Variants in LIG1 observed in about 807,000 individuals in gnomAD.
LIG1 encodes ligase I, DNA, ATP-dependent.
Under a neutral mutation model 115.7 loss-of-function variants are expected in LIG1, and 70 were observed. That is an observed-to-expected ratio of 0.60 (90% CI 0.50 to 0.74). The LOEUF (loss-of-function observed/expected upper bound fraction) is 0.74, where lower values mean the gene tolerates loss of function less well. Among genes scored for constraint, LIG1 ranks in the 30% least tolerant of loss-of-function variants. The pLI, the probability that LIG1 is intolerant of heterozygous loss-of-function variation, is 0.00. For missense variants in LIG1, 1,115 were observed against 1,225.6 expected (o/e 0.91, Z 1.35); for synonymous variants, 487 against 495.3 (o/e 0.98, Z 0.22).
At chr19:48,163,944 CAAAAAAAAAAAA>C (rs36027045) in intron 2 of LIG1, among the ~76,000 whole-genome samples, 1 of 83,162 alleles carries the variant, frequency 1.2e-5, no homozygotes, top group South Asian at 4.2e-4. Flanking sequence ...GACTCTGTCT[CAAAAAAAAAAAA>C]AAAAAAAATG....
intron 11 of LIG1, among the ~76,000 whole-genome samples, chr19:48,142,042 C>T (rs1284106862): frequency 6.6e-6 from 1 of 152,170 alleles, no homozygotes; most frequent in Non-Finnish European, 1.5e-5. Flanking sequence ...TGGCTCAGGC[C>T]TGTAATCCCA....
intron 26 of LIG1, 146 bp downstream of exon 26, chr19:48,117,492 A>G (rs2032933452): frequency 1.1e-6 from 1 of 927,250 alleles, no homozygotes; most frequent in Admixed American, 2.5e-5. Flanking sequence ...TGATCTTTTT[A>G]TCTGACACTC....
chr19:48,129,610 A>G (rs554055625), intron 19 of LIG1, among the ~76,000 whole-genome samples: 5 of 152,196 alleles, frequency 3.3e-5, no homozygotes, highest in Non-Finnish European at 7.3e-5. Context: ...GACTAGTGCC[A>G]TATTATACCA....
Position 48,157,696 on chromosome 19 carries a change from C to T in LIG1, c.244-556G>A, listed in dbSNP as rs141536205. On this transcript the variant is annotated intron_variant, in intron 4 of 27. Coordinates refer to ENST00000263274, the MANE Select transcript of LIG1 (RefSeq NM_000234.3). ...AGCAACTGGGATAACAGGCGCCCGC[C>T]ACCACGCCCAGCTAATTTTTGTATT... 2.0e-5 allele frequency among the ~76,000 whole-genome samples: 3 copies of T among 152,262 alleles called. No homozygotes were observed. In the East Asian group the frequency reaches 5.8e-4, roughly 29 times the overall value.
At chr19:48,148,307 C>G (rs1280257364) in intron 9 of LIG1, among the ~76,000 whole-genome samples, 1 of 152,022 alleles carries the variant, frequency 6.6e-6, no homozygotes, top group African/African-American at 2.4e-5. Context: ...AACCCGGTCT[C>G]TACTAAAAAT....
At chr19:48,130,316 C>A (rs1023610487) in intron 19 of LIG1, among the ~76,000 whole-genome samples, 1 of 152,228 alleles carries the variant, frequency 6.6e-6, no homozygotes, top group Non-Finnish European at 1.5e-5. Context: ...GGCACCGTGC[C>A]CCCTGCTTTC....
Position 48,170,246 on chromosome 19 carries a change from G to A in LIG1, c.-63C>T, listed in dbSNP as rs1186216612. The stretch of plus-strand genomic sequence containing the variant: ...TTGCGGACGGCCCCACTTGCCTTGC[G>A]TTGGTCCCGCGCGCCGCTGCCCGGG... On this transcript the variant is annotated 5_prime_UTR_variant, in exon 1 of 28. The change creates a new upstream start codon in the 5' untranslated region. Transcript: ENST00000263274. The A allele has an allele frequency of 2.2e-6, 1 of 455,354 alleles. No individual in the cohort carries two copies. Among genetic ancestry groups the A allele is most frequent in the Non-Finnish European group, 4.4e-6 (1 of 226,484 alleles). 28.2% of individuals were successfully genotyped at this position (455,354 alleles called of 1,614,324 possible). A position where few individuals can be genotyped will look rare whatever the true frequency, so the allele number is the denominator to read the frequency against.
At chr19:48,166,697 G>A (rs930452776) in intron 1 of LIG1, among the ~76,000 whole-genome samples, 9 of 152,072 alleles carry the variant, frequency 5.9e-5, no homozygotes, top group Admixed American at 2.6e-4. Context: ...TAGGCCGGGC[G>A]TGGTGGCTGC....
In LIG1 at chr19:48,156,053, A is replaced by G. The variant is rs77635186; in HGVS notation, c.370+961T>C. On this transcript the variant is annotated intron_variant, in intron 5 of 27. Transcript: ENST00000263274. ...GGGTCTCTCGCCCTGTTCTTACCCC[A>G]CAGCAAACATTCCAAGTCCCCCTTA... 6.0e-3 allele frequency among the ~76,000 whole-genome samples: 918 copies of G among 152,184 alleles called. 10 individuals carry two copies. The highest frequency in any genetic ancestry group is 0.031 in the Middle Eastern group (9 of 294).
chr19:48,123,854 TAAAA>T (rs1555766307), intron 21 of LIG1, among the ~76,000 whole-genome samples: 4 of 137,228 alleles, frequency 2.9e-5, no homozygotes, highest in African/African-American at 1.1e-4. Flanking sequence ...CCAAGATAAT[TAAAA>T]AAAAAAAAAA....
chr19:48,136,893 T>C, intron 14 of LIG1, 115 bp downstream of exon 14: 1 of 865,094 alleles, frequency 1.2e-6, no homozygotes, highest in East Asian at 2.6e-5. Flanking sequence ...TGCTCATGCT[T>C]TTCTCATCCA....
Position 48,115,564 on chromosome 19 carries a change from C to T in LIG1, c.*85G>A. Reference sequence around the variant, plus strand: ...TCTCAAAATCCACAGCCTGCCACAGCAGATTTGCTAAAAAGCAAAGGCAAT... The same window carrying T: ...TCTCAAAATCCACAGCCTGCCACAGTAGATTTGCTAAAAAGCAAAGGCAAT... On this transcript the variant is annotated 3_prime_UTR_variant, in exon 28 of 28. Coordinates refer to ENST00000263274, the MANE Select transcript of LIG1 (RefSeq NM_000234.3). 9.9e-7 allele frequency: 1 copy of T among 1,006,864 alleles called. No homozygotes were observed. Among genetic ancestry groups the T allele is most frequent in the Non-Finnish European group, 1.6e-6 (1 of 643,594 alleles). The allele number at this position is 1,006,864 out of a possible 1,614,324, so 62.4% of individuals were successfully genotyped here.
intron 19 of LIG1, among the ~76,000 whole-genome samples, chr19:48,128,514 T>G (rs1373479287): frequency 6.6e-6 from 1 of 152,198 alleles, no homozygotes. Flanking sequence ...GGGTCGTCCC[T>G]CGCCTCACCT....
At chr19:48,149,968 G>T in intron 8 of LIG1, 120 bp downstream of exon 8, 4 of 1,569,358 alleles carry the variant, frequency 2.5e-6, no homozygotes, top group South Asian at 1.1e-5. Context: ...AGACAAGGCC[G>T]ACTTTCCAAC....
chr19:48,134,966 A>G (rs1206824573), intron 16 of LIG1, among the ~76,000 whole-genome samples: 2 of 152,180 alleles, frequency 1.3e-5, no homozygotes, highest in Non-Finnish European at 2.9e-5. Context: ...AGGTCCCTCC[A>G]CATGGCTCTC....
chr19:48,120,827 T>G, intron 24 of LIG1: 1 of 650,622 alleles, frequency 1.5e-6, no homozygotes, highest in Non-Finnish European at 2.0e-6. Flanking sequence ...AAAAAAAATG[T>G]GGGGAGAGGA....
chr19:48,150,037 A>G lies in LIG1; in HGVS notation c.697+51T>C, dbSNP rs550150588. The G allele has an allele frequency of 5.6e-6, 9 of 1,612,916 alleles. No homozygotes were observed. The South Asian group carries it at 9.9e-5, about 18-fold the overall frequency. On this transcript the variant is annotated intron_variant, in intron 8 of 27. Coordinates refer to ENST00000263274, the MANE Select transcript of LIG1 (RefSeq NM_000234.3). Reference sequence around the variant, plus strand: ...TCAGGCCTCTGGAGAGAGGCTCACCAGCCTCCTGCCTGTACAACCCCGGGA... The same window carrying G: ...TCAGGCCTCTGGAGAGAGGCTCACCGGCCTCCTGCCTGTACAACCCCGGGA...
rs1401204067 is a variant in LIG1 at position 48,119,200 on chromosome 19, G to A, written c.2386-10C>T. On this transcript the variant is annotated splice_polypyrimidine_tract_variant and intron_variant, in intron 24 of 27. Coordinates refer to ENST00000263274, the MANE Select transcript of LIG1 (RefSeq NM_000234.3). The stretch of plus-strand genomic sequence containing the variant: ...TGAAGCCAGTTCCAAGCTGCAGGGA[G>A]GAAGCGGGAGGTCAGAGGCTCAGCC... 1 of 1,579,826 alleles carries A rather than the reference G, an allele frequency of 6.3e-7. No homozygotes were observed. The highest frequency in any genetic ancestry group is 1.8e-5 in the Admixed American group (1 of 55,686).
At chr19:48,132,900 G>T in intron 18 of LIG1, 82 bp downstream of exon 18, 1 of 1,014,194 alleles carries the variant, frequency 9.9e-7, no homozygotes, top group Non-Finnish European at 1.6e-6. Context: ...AGGCCGGCTT[G>T]AAGCTCAGGC....
Sources: allele counts gnomAD v4.1 joint callset (sites outside exome capture counted in the v4.1 genomes callset), GRCh38; gene constraint gnomAD v4.1.1; transcripts MANE v1.5; gene names NCBI Gene and HGNC (gene_info 2026-07-23, HGNC 2026-07-21).